Variants in SYNPO2 observed in about 807,000 individuals in gnomAD.
The protein encoded by SYNPO2 is synaptopodin-2.
SYNPO2 carries 56 observed loss-of-function variants against 85.0 expected under a neutral mutation model. The observed-to-expected ratio is 0.66, with a 90% CI of 0.53 to 0.82. SYNPO2 has a LOEUF of 0.82. Ranked by LOEUF, SYNPO2 falls within the 40% of genes least tolerant of loss-of-function variation. The probability of loss-of-function intolerance (pLI) is 0.00; values close to 1 mark genes in which losing one functional copy is unlikely to be tolerated. For synonymous variants in SYNPO2, 602 were observed against 591.1 expected, an observed-to-expected ratio of 1.02 and a Z score of -0.27; for missense variants, 1,575 against 1,534.2, an observed-to-expected ratio of 1.03 and a Z score of -0.44.
chr4:119,021,764 G>A (rs564216520), intron 1 of SYNPO2, among the ~76,000 whole-genome samples: 4 of 152,290 alleles, frequency 2.6e-5, no homozygotes, highest in South Asian at 2.1e-4. Flanking sequence ...AGGCCCAAAG[G>A]TACAAGGAGA....
chr4:118,909,842 C>G (rs1275650447), intron 1 of SYNPO2, among the ~76,000 whole-genome samples: 1 of 152,198 alleles, frequency 6.6e-6, no homozygotes, highest in Non-Finnish European at 1.5e-5. Context: ...TGACTCTTGA[C>G]AGAAGTTGGT....
At chr4:118,965,315 G>T (rs1195093926) in intron 1 of SYNPO2, among the ~76,000 whole-genome samples, 1 of 151,970 alleles carries the variant, frequency 6.6e-6, no homozygotes, top group Non-Finnish European at 1.5e-5. Flanking sequence ...CTCACTGTCT[G>T]CTTTACCCCA....
intron 1 of SYNPO2, among the ~76,000 whole-genome samples, chr4:118,861,248 G>C (rs1477883434): frequency 6.6e-6 from 1 of 152,106 alleles, no homozygotes; most frequent in Non-Finnish European, 1.5e-5. Flanking sequence ...CACCTCCCAG[G>C]TTCAAGCAAT....
intron 1 of SYNPO2, among the ~76,000 whole-genome samples, chr4:118,894,568 G>T (rs1425413391): frequency 2.8e-5 from 2 of 71,602 alleles, no homozygotes; most frequent in Admixed American, 1.3e-4. Flanking sequence ...GAACGTCGGG[G>T]GAACATCAGG....
intron 4 of SYNPO2, among the ~76,000 whole-genome samples, chr4:119,044,988 A>T (rs372208423): frequency 2.0e-5 from 3 of 152,320 alleles, no homozygotes; most frequent in African/African-American, 7.2e-5. Flanking sequence ...ATGCTTCTAA[A>T]CACATCAGTG....
In SYNPO2 at chr4:119,051,452, A is replaced by G. The variant is rs1355070723; in HGVS notation, c.3253-5949A>G. Among the ~76,000 whole-genome samples the G allele has an allele frequency of 4.0e-5, 6 of 151,866 alleles. No individual in the cohort carries two copies. In the South Asian group the frequency reaches 8.4e-4, roughly 21 times the overall value. On this transcript the variant is annotated intron_variant, in intron 4 of 4. Transcript: ENST00000307142. ...GTGATCCGCCCGCCTCGGCCTCCCA[A>G]AGTGCTGGGATTACAGGCGTGAGCC...
chr4:118,914,281 T>G (rs533299368), intron 1 of SYNPO2, among the ~76,000 whole-genome samples: 1 of 152,136 alleles, frequency 6.6e-6, no homozygotes, highest in Admixed American at 6.5e-5. Context: ...GAATTAAGAG[T>G]ATCAGTCTGG....
chr4:118,993,816 C>T (rs1191528705), intron 1 of SYNPO2, among the ~76,000 whole-genome samples: 2 of 152,174 alleles, frequency 1.3e-5, no homozygotes, highest in Admixed American at 1.3e-4. Context: ...TTAAAGGACT[C>T]TTGAATGTTT....
At chr4:118,923,901 A>C (rs928403674) in intron 1 of SYNPO2, among the ~76,000 whole-genome samples, 14 of 152,262 alleles carry the variant, frequency 9.2e-5, no homozygotes, top group East Asian at 3.9e-4. Flanking sequence ...AAAAAAAAAA[A>C]AAAAACCTGA....
chr4:118,893,798 G>T (rs1732450189), intron 1 of SYNPO2, among the ~76,000 whole-genome samples: 1 of 151,780 alleles, frequency 6.6e-6, no homozygotes, highest in Admixed American at 6.6e-5. Context: ...GCACAGCAGG[G>T]TACTATAGTT....
intron 1 of SYNPO2, among the ~76,000 whole-genome samples, chr4:118,901,163 C>T (rs1487579828): frequency 6.6e-6 from 1 of 152,048 alleles, no homozygotes; most frequent in African/African-American, 2.4e-5. Context: ...TTATTTTAGC[C>T]ACTTTTAATT....
intron 1 of SYNPO2, among the ~76,000 whole-genome samples, chr4:118,954,995 ATT>A (rs143188478): frequency 0.49 from 63,902 of 130,548 alleles, 15,736 homozygotes; most frequent in Admixed American, 0.59. Context: ...ATTCTGTGCA[ATT>A]TTTTTTTTTT....
Position 119,058,594 on chromosome 4 carries a change from C to T in SYNPO2, c.*660C>T, listed in dbSNP as rs1230974394. 2 of 151,364 alleles carry T rather than the reference C, an allele frequency of 1.3e-5. No individual in the cohort carries two copies. The highest frequency in any genetic ancestry group is 4.2e-4 in the South Asian group (2 of 4,774). 9.4% of individuals were successfully genotyped at this position (151,364 alleles called of 1,614,324 possible). A position where few individuals can be genotyped will look rare whatever the true frequency, so the allele number is the denominator to read the frequency against. On this transcript the variant is annotated 3_prime_UTR_variant, in exon 5 of 5. Coordinates refer to ENST00000307142, the MANE Select transcript of SYNPO2 (RefSeq NM_133477.3). ...GGTTCAAGCAATTCTCCTGCCTCAG[C>T]CTCCTGAGTAGCTGGGATTACAGGC...
chr4:118,961,600 C>T (rs1419489685), intron 1 of SYNPO2, among the ~76,000 whole-genome samples: 1 of 152,148 alleles, frequency 6.6e-6, no homozygotes, highest in Non-Finnish European at 1.5e-5. Flanking sequence ...TTTTTAACTT[C>T]CTATATAGCT....
chr4:119,018,804 C>T (rs945451087), intron 1 of SYNPO2, among the ~76,000 whole-genome samples: 2 of 151,998 alleles, frequency 1.3e-5, no homozygotes, highest in African/African-American at 4.8e-5. Flanking sequence ...TAAAAGAGTG[C>T]AATTGAAATG....
At chr4:119,002,794 T>C (rs1736870775) in intron 1 of SYNPO2, among the ~76,000 whole-genome samples, 1 of 152,218 alleles carries the variant, frequency 6.6e-6, no homozygotes, top group South Asian at 2.1e-4. Context: ...AGACTGGGTA[T>C]ATTTGATACC....
intron 4 of SYNPO2, chr4:119,034,609 T>A (rs1440156883): frequency 2.0e-6 from 2 of 985,330 alleles, no homozygotes; most frequent in Non-Finnish European, 2.4e-6. Context: ...TCTTGGACCA[T>A]ACAGTCCCAC....
At position 118,976,644 on chromosome 4, in the gene SYNPO2, TAC is replaced by T. The variant is rs1210031423; in HGVS notation, c.106-46784_106-46783del. 7.4e-4 allele frequency among the ~76,000 whole-genome samples: 112 copies of T among 152,234 alleles called. 1 individual carries two copies. Among genetic ancestry groups the T allele is most frequent in the Non-Finnish European group, 1.2e-3 (79 of 68,012 alleles). ...CCACGTCCCCATCAGATTAGTTAGA[TAC>T]AGAGTTTCCACACACAGGTTCTCCA... is the stretch of plus-strand genomic sequence containing the variant. On this transcript the variant is annotated intron_variant, in intron 1 of 4. Transcript: ENST00000307142.
At chr4:118,915,520 G>A (rs36091274) in intron 1 of SYNPO2, among the ~76,000 whole-genome samples, 16,655 of 152,094 alleles carry the variant, frequency 0.11, 1,189 homozygotes, top group East Asian at 0.24. Context: ...TGTAACTCTG[G>A]TTAATTTATT....
Sources: gnomAD v4.1 joint callset for allele counts (sites outside exome capture counted in the v4.1 genomes callset) on GRCh38, gnomAD v4.1.1 for gene constraint, MANE v1.5 for transcripts, NCBI Gene and HGNC (gene_info 2026-07-23, HGNC 2026-07-21) for gene names.